The following ARB2A variants were observed in gnomAD, a reference collection of about 807,000 sequenced individuals.
The protein encoded by ARB2A is cotranscriptional regulator ARB2A.
the ARB2A span, among the ~76,000 whole-genome samples, chr5:93,830,311 G>GTGTATGTGTATATA: frequency 2.9e-4 from 24 of 82,262 alleles, 1 homozygote; most frequent in African/African-American, 1.2e-3. Flanking sequence ...GTGTGTGTGT[G>GTGTATGTGTATATA]TATATATATA....
At chr5:93,852,900 C>T in the ARB2A span, among the ~76,000 whole-genome samples, 1 of 152,168 alleles carries the variant, frequency 6.6e-6, no homozygotes, top group Non-Finnish European at 1.5e-5. Context: ...ATGCCTCCCT[C>T]TTTGTTCTTT....
chr5:93,816,617 T>C, the ARB2A span, among the ~76,000 whole-genome samples: 1 of 152,232 alleles, frequency 6.6e-6, no homozygotes, highest in East Asian at 1.9e-4. Flanking sequence ...ATGTGGACAC[T>C]AAGAAAAACC....
the ARB2A span, chr5:93,741,213 C>T: frequency 6.2e-7 from 1 of 1,613,888 alleles, no homozygotes; most frequent in Non-Finnish European, 8.5e-7. Flanking sequence ...CCGAGATGTC[C>T]TCTGGCGGCG....
chr5:94,066,233 T>C, the ARB2A span, among the ~76,000 whole-genome samples: 1 of 150,706 alleles, frequency 6.6e-6, no homozygotes, highest in African/African-American at 2.4e-5. Context: ...AATGACTACA[T>C]CAAAAAAGTA....
At chr5:93,924,931 A>G in the ARB2A span, among the ~76,000 whole-genome samples, 3 of 152,190 alleles carry the variant, frequency 2.0e-5, no homozygotes, top group African/African-American at 7.2e-5. Flanking sequence ...GCTCTCAAGG[A>G]GTATAAAATA....
the ARB2A span, among the ~76,000 whole-genome samples, chr5:93,672,351 C>T: frequency 6.6e-6 from 1 of 151,382 alleles, no homozygotes; most frequent in Admixed American, 6.6e-5. Flanking sequence ...CTCGCTGTCA[C>T]GAGGCTGGAG....
chr5:93,919,555 G>A, the ARB2A span, among the ~76,000 whole-genome samples: 5 of 152,096 alleles, frequency 3.3e-5, no homozygotes, highest in Admixed American at 6.6e-5. Flanking sequence ...CATATCTTAG[G>A]CAATTGTGAT....
At chr5:93,716,163 A>T in the ARB2A span, among the ~76,000 whole-genome samples, 20 of 152,334 alleles carry the variant, frequency 1.3e-4, no homozygotes, top group African/African-American at 4.6e-4. Flanking sequence ...CCTACTTCAG[A>T]GACCCTCTAC....
chr5:94,057,379 T>G, the ARB2A span, among the ~76,000 whole-genome samples: 3 of 152,158 alleles, frequency 2.0e-5, no homozygotes, highest in African/African-American at 7.2e-5. Context: ...TGCTGAGGGC[T>G]GGGCAGAGAG....
the ARB2A span, among the ~76,000 whole-genome samples, chr5:94,104,178 A>C: frequency 1.3e-5 from 2 of 151,832 alleles, no homozygotes; most frequent in Non-Finnish European, 2.9e-5. Context: ...CAAAACTAAG[A>C]CATGAAAAAC....
the ARB2A span, among the ~76,000 whole-genome samples, chr5:94,002,590 T>TA: frequency 6.6e-6 from 1 of 152,232 alleles, no homozygotes; most frequent in South Asian, 2.1e-4. Flanking sequence ...TCACTTCTCT[T>TA]ACGAATCTAA....
At chr5:93,869,161 G>A in the ARB2A span, among the ~76,000 whole-genome samples, 1 of 152,114 alleles carries the variant, frequency 6.6e-6, no homozygotes, top group Non-Finnish European at 1.5e-5. Context: ...CGAGACTAGC[G>A]TGATGATTAC....
chr5:93,751,174 T>C, the ARB2A span, among the ~76,000 whole-genome samples: 1 of 152,118 alleles, frequency 6.6e-6, no homozygotes, highest in Non-Finnish European at 1.5e-5. Flanking sequence ...TGCCCCAACT[T>C]TTTTAACAAG....
At chr5:93,671,382 G>A in the ARB2A span, among the ~76,000 whole-genome samples, 1 of 151,966 alleles carries the variant, frequency 6.6e-6, no homozygotes, top group Non-Finnish European at 1.5e-5. Flanking sequence ...AAGCCCAAAT[G>A]TAAATAAGTC....
At chr5:93,690,648 C>T in the ARB2A span, among the ~76,000 whole-genome samples, 2 of 152,154 alleles carry the variant, frequency 1.3e-5, no homozygotes, top group Non-Finnish European at 2.9e-5. Context: ...TTAAATGTTC[C>T]TGCCTGCTGG....
the ARB2A span, among the ~76,000 whole-genome samples, chr5:93,798,908 A>C: frequency 6.6e-6 from 1 of 152,130 alleles, no homozygotes; most frequent in Non-Finnish European, 1.5e-5. Flanking sequence ...ACAGGCCACC[A>C]AGGTGGTTTG....
the ARB2A span, among the ~76,000 whole-genome samples, chr5:93,954,396 T>C: frequency 6.6e-6 from 1 of 151,940 alleles, no homozygotes; most frequent in Non-Finnish European, 1.5e-5. Flanking sequence ...TAGCCCAGGA[T>C]GCATCTAGAA....
chr5:93,887,883 G>C, the ARB2A span, among the ~76,000 whole-genome samples: 5 of 151,780 alleles, frequency 3.3e-5, no homozygotes, highest in African/African-American at 1.2e-4. Flanking sequence ...TCAGCTCCTT[G>C]GTTACTGAAC....
the ARB2A span, among the ~76,000 whole-genome samples, chr5:94,100,788 C>G: frequency 1.3e-5 from 2 of 152,098 alleles, no homozygotes; most frequent in Non-Finnish European, 2.9e-5. Context: ...AGAATAAACT[C>G]AAATGGATTA....
Sources: allele counts gnomAD v4.1 joint callset (sites outside exome capture counted in the v4.1 genomes callset), GRCh38; gene constraint gnomAD v4.1.1; transcripts MANE v1.5; gene names NCBI Gene and HGNC (gene_info 2026-07-23, HGNC 2026-07-21).